The following GABRB3 variants were observed in gnomAD, a reference collection of about 807,000 sequenced individuals.
The protein encoded by GABRB3 is gamma-aminobutyric acid receptor subunit beta-3.
GABRB3 carries 14 observed loss-of-function variants against 52.1 expected under a neutral mutation model. The observed-to-expected ratio is 0.27, with a 90% CI of 0.18 to 0.42. The LOEUF is 0.42. Ranked by LOEUF, GABRB3 falls within the 10% of genes least tolerant of loss-of-function variation. The pLI is 1.00. For synonymous variants in GABRB3, 260 were observed against 232.3 expected, an observed-to-expected ratio of 1.12 and a Z score of -1.08; for missense variants, 307 against 609.1, an observed-to-expected ratio of 0.50 and a Z score of 5.22.
At chr15:26,567,354 T>A (rs776244591) in intron 7 of GABRB3, among the ~76,000 whole-genome samples, 3 of 152,202 alleles carry the variant, frequency 2.0e-5, no homozygotes, top group Non-Finnish European at 4.4e-5. Flanking sequence ...TGCAAGCATA[T>A]TTTCCCTTTC....
intron 3 of GABRB3, among the ~76,000 whole-genome samples, chr15:26,635,876 C>T (rs1893042990): frequency 6.6e-6 from 1 of 152,212 alleles, no homozygotes; most frequent in East Asian, 1.9e-4. Context: ...TGAGATCATG[C>T]CTATTTCTAG....
intron 3 of GABRB3, among the ~76,000 whole-genome samples, chr15:26,691,162 G>A (rs1316808566): frequency 3.3e-5 from 5 of 151,784 alleles, no homozygotes; most frequent in African/African-American, 1.2e-4. Flanking sequence ...TGCTCTCCCT[G>A]CTCTGTTTTC....
intron 6 of GABRB3, among the ~76,000 whole-genome samples, chr15:26,571,101 T>C (rs377288290): frequency 1.1e-4 from 17 of 152,188 alleles, no homozygotes; most frequent in Non-Finnish European, 8.8e-5. Flanking sequence ...TCAATATCTT[T>C]ACTGAAGTAA....
At position 26,601,404 on chromosome 15, in the gene GABRB3, C is replaced by T. The variant is rs561000075; in HGVS notation, c.462-17990G>A. On this transcript the variant is annotated intron_variant, in intron 4 of 8. Transcript: ENST00000311550. ...CAGCCTGGGCGACACAGCGAAACTC[C>T]GTCTCAAAGAAAAAAAAAAAATTGA... 5.0e-4 allele frequency among the ~76,000 whole-genome samples: 74 copies of T among 148,966 alleles called. 1 individual carries two copies. The East Asian group carries it at 0.016, about 32-fold the overall frequency.
chr15:26,717,279 C>T (rs557358674), intron 3 of GABRB3, among the ~76,000 whole-genome samples: 29 of 150,750 alleles, frequency 1.9e-4, no homozygotes, highest in Admixed American at 1.5e-3. Flanking sequence ...GATATCCACC[C>T]GATGACAGCC....
In GABRB3 at chr15:26,550,961, A is replaced by G. The variant is rs554380097; in HGVS notation, c.1081-2827T>C. On this transcript the variant is annotated intron_variant, in intron 8 of 8. Transcript: ENST00000311550. ...CTCAAAGAACGAGTAGAAATTTTTC[A>G]GACAAAATGCAGCAAAAACATCAAA... Among the ~76,000 whole-genome samples the G allele has an allele frequency of 3.9e-5, 6 of 152,354 alleles. No individual in the cohort carries two copies. In the East Asian group the frequency reaches 9.7e-4, roughly 25 times the overall value.
At chr15:26,728,156 G>A (rs1171474570) in intron 3 of GABRB3, among the ~76,000 whole-genome samples, 1 of 152,184 alleles carries the variant, frequency 6.6e-6, no homozygotes, top group Non-Finnish European at 1.5e-5. Flanking sequence ...ACAACTGAGG[G>A]ATTCTCTGTC....
In GABRB3 at chr15:26,553,317, A is replaced by T. The variant is rs1221731032; in HGVS notation, c.1081-5183T>A. On this transcript the variant is annotated intron_variant, in intron 8 of 8. Transcript: ENST00000311550. ...AGGCGCCCAACACTGCGCCCGGCAA[A>T]TTTTTTGTATTTTTAGTAGAGACGG... is the stretch of plus-strand genomic sequence containing the variant. 2.0e-5 allele frequency: 3 copies of T among 151,950 alleles called. No individual in the cohort carries two copies. In the East Asian group the frequency reaches 5.8e-4, roughly 30 times the overall value. The allele number at this position is 151,950 out of a possible 1,614,324, so 9.4% of individuals were successfully genotyped here.
At chr15:26,712,792 G>A (rs1438989586) in intron 3 of GABRB3, among the ~76,000 whole-genome samples, 1 of 152,158 alleles carries the variant, frequency 6.6e-6, no homozygotes, top group East Asian at 1.9e-4. Context: ...ATGCCCTTGA[G>A]GAGACCACAG....
At chr15:26,573,590 C>T (rs1191546339) in intron 6 of GABRB3, among the ~76,000 whole-genome samples, 1 of 152,136 alleles carries the variant, frequency 6.6e-6, no homozygotes, top group Non-Finnish European at 1.5e-5. Flanking sequence ...CCTCTCTTTC[C>T]TTGTGTGTAA....
intron 3 of GABRB3, among the ~76,000 whole-genome samples, chr15:26,651,544 C>T (rs1887197875): frequency 6.6e-6 from 1 of 152,162 alleles, no homozygotes. Context: ...CGTGGTTAGA[C>T]CCCATTCCTA....
At chr15:26,602,506 T>A (rs1891625606) in intron 4 of GABRB3, among the ~76,000 whole-genome samples, 1 of 152,152 alleles carries the variant, frequency 6.6e-6, no homozygotes, top group East Asian at 1.9e-4. Context: ...AGATCATATG[T>A]TAGGGTCACA....
Position 26,546,735 on chromosome 15 carries a change from C to T in GABRB3, c.*1058G>A, listed in dbSNP as rs949245996. ...CATCGCATGCTGCCATGATAGCAAG[C>T]GTAAGAAACAAAATCTTGGTAAATA... On this transcript the variant is annotated 3_prime_UTR_variant, in exon 9 of 9. Transcript: ENST00000311550. The T allele has an allele frequency of 7.2e-5, 11 of 151,888 alleles. No homozygotes were observed. Among genetic ancestry groups the T allele is most frequent in the East Asian group, 1.9e-4 (1 of 5,186 alleles). 9.4% of individuals were successfully genotyped at this position (151,888 alleles called of 1,614,324 possible). A position where few individuals can be genotyped will look rare whatever the true frequency, so the allele number is the denominator to read the frequency against.
intron 3 of GABRB3, among the ~76,000 whole-genome samples, chr15:26,754,978 G>A (rs1043632135): frequency 1.3e-5 from 2 of 149,740 alleles, no homozygotes; most frequent in Non-Finnish European, 3.0e-5. Flanking sequence ...TGGAACTCCA[G>A]ATAAAAATGG....
At chr15:26,639,926 A>G (rs546434337) in intron 3 of GABRB3, among the ~76,000 whole-genome samples, 1 of 152,228 alleles carries the variant, frequency 6.6e-6, no homozygotes, top group Non-Finnish European at 1.5e-5. Flanking sequence ...TGAAATGTCT[A>G]TGATGCCAAC....
At chr15:26,578,975 G>GC (rs1176759224) in intron 6 of GABRB3, among the ~76,000 whole-genome samples, 1 of 152,216 alleles carries the variant, frequency 6.6e-6, no homozygotes, top group Admixed American at 6.5e-5. Context: ...AGGGACATCT[G>GC]CAAGACCTCT....
chr15:26,713,527 G>A (rs1281195562), intron 3 of GABRB3, among the ~76,000 whole-genome samples: 9 of 152,140 alleles, frequency 5.9e-5, no homozygotes, highest in Non-Finnish European at 7.3e-5. Flanking sequence ...CTACCGGGAT[G>A]ATCCAGCCTG....
chr15:26,587,483 G>A (rs1158592639), intron 4 of GABRB3, among the ~76,000 whole-genome samples: 3 of 152,308 alleles, frequency 2.0e-5, no homozygotes, highest in Non-Finnish European at 2.9e-5. Flanking sequence ...TGGAGCAGGA[G>A]CATGCCCCTC....
chr15:26,738,972 G>C (rs981015703), intron 3 of GABRB3, among the ~76,000 whole-genome samples: 2 of 152,192 alleles, frequency 1.3e-5, no homozygotes, highest in African/African-American at 4.8e-5. Context: ...TTCAGCACGT[G>C]CAGTTTTCTT....
Sources: gnomAD v4.1 joint callset for allele counts (sites outside exome capture counted in the v4.1 genomes callset) on GRCh38, gnomAD v4.1.1 for gene constraint, MANE v1.5 for transcripts, NCBI Gene and HGNC (gene_info 2026-07-23, HGNC 2026-07-21) for gene names.